Variants in SPAG6 observed in about 807,000 individuals in gnomAD.
The protein encoded by SPAG6 is sperm associated antigen 6, also known as sperm-associated antigen 6.
A neutral mutation model predicts 58.5 loss-of-function variants in SPAG6; 49 were observed. The ratio of observed to expected loss-of-function variants is 0.84; its 90% CI spans 0.67 to 1.06. The LOEUF (loss-of-function observed/expected upper bound fraction) is 1.06, where lower values mean the gene tolerates loss of function less well. SPAG6 is among the 50% of genes least tolerant of loss of function. SPAG6 has a pLI of 0.00. For missense variants in SPAG6, 560 were observed against 611.3 expected, an observed-to-expected ratio of 0.92 and a Z score of 0.89; for synonymous variants, 233 against 225.6, an observed-to-expected ratio of 1.03 and a Z score of -0.29.
chr10:22,412,440 C>T, intron 10 of SPAG6: 1 of 1,502,036 alleles, frequency 6.7e-7, no homozygotes, highest in Admixed American at 2.0e-5. Flanking sequence ...CATATTTTTA[C>T]CCAGTAAATT....
chr10:22,396,458 C>T (rs1018076688), intron 8 of SPAG6, among the ~76,000 whole-genome samples: 1 of 152,174 alleles, frequency 6.6e-6, no homozygotes, highest in African/African-American at 2.4e-5. Flanking sequence ...TCCAATTAAA[C>T]CTCTTTTTCT....
intron 10 of SPAG6, chr10:22,412,621 A>G (rs1834768560): frequency 3.3e-6 from 2 of 605,126 alleles, no homozygotes; most frequent in Non-Finnish European, 5.4e-6. Flanking sequence ...TCCAGGCTGG[A>G]GTGCAGTAGC....
chr10:22,402,820 A>C (rs1834446803), intron 9 of SPAG6, among the ~76,000 whole-genome samples: 1 of 152,200 alleles, frequency 6.6e-6, no homozygotes, highest in Non-Finnish European at 1.5e-5. Flanking sequence ...TGACCAGCTA[A>C]TTTGGTCCTC....
intron 8 of SPAG6, among the ~76,000 whole-genome samples, chr10:22,396,422 C>G (rs1440111845): frequency 6.6e-6 from 1 of 152,102 alleles, no homozygotes; most frequent in African/African-American, 2.4e-5. Context: ...GATTCTGAGG[C>G]CTCCCCAGCC....
At chr10:22,378,012 G>A (rs1159652871) in intron 4 of SPAG6, among the ~76,000 whole-genome samples, 3 of 139,216 alleles carry the variant, frequency 2.2e-5, no homozygotes, top group Non-Finnish European at 3.2e-5. Flanking sequence ...AAATTGTTAT[G>A]TATTTACGGG....
chr10:22,411,287 G>T (rs1355146624), intron 10 of SPAG6, 111 bp downstream of exon 10: 1 of 814,590 alleles, frequency 1.2e-6, no homozygotes, highest in Non-Finnish European at 1.9e-6. Context: ...TACGATGTGA[G>T]GCCAATATGT....
At chr10:22,375,253 G>A (rs935720361) in intron 4 of SPAG6, among the ~76,000 whole-genome samples, 2 of 152,142 alleles carry the variant, frequency 1.3e-5, no homozygotes, top group Non-Finnish European at 2.9e-5. Flanking sequence ...TGAATTTCTA[G>A]AAATACATGA....
In SPAG6 at chr10:22,386,809, C is replaced by T. The variant is rs759305148; in HGVS notation, c.528C>T (p.Ile176=). Residue 176 remains isoleucine (I), a synonymous_variant, in exon 5 of 11, where the codon ATC becomes ATT. Coordinates refer to ENST00000376624, the MANE Select transcript of SPAG6 (RefSeq NM_012443.4). The part of the protein sequence containing the change: ...AGAVPLLVLC[I]QEPEIALKRI... Reference sequence around the variant, plus strand: ...CTGTTCCTCTTTTAGTACTCTGTATCCAGGAGCCAGAAATTGCTTTGAAAA... The same window carrying T: ...CTGTTCCTCTTTTAGTACTCTGTATTCAGGAGCCAGAAATTGCTTTGAAAA... 6.2e-7 allele frequency: 1 copy of T among 1,613,626 alleles called. No individual in the cohort carries two copies. Among genetic ancestry groups the T allele is most frequent in the Admixed American group, 1.7e-5 (1 of 59,964 alleles).
chr10:22,406,984 T>G (rs1222468552), intron 9 of SPAG6, among the ~76,000 whole-genome samples: 1 of 152,138 alleles, frequency 6.6e-6, no homozygotes, highest in Non-Finnish European at 1.5e-5. Flanking sequence ...GTTTTCCATT[T>G]GCTTGGTAGA....
intron 6 of SPAG6, 109 bp from the exon 7 acceptor site, chr10:22,389,051 T>G: frequency 1.2e-6 from 1 of 805,224 alleles, no homozygotes; most frequent in Non-Finnish European, 1.9e-6. Flanking sequence ...AAATGATAAT[T>G]CAATTTCACC....
At chr10:22,378,712 A>C (rs1180876074) in intron 4 of SPAG6, among the ~76,000 whole-genome samples, 2 of 152,124 alleles carry the variant, frequency 1.3e-5, no homozygotes, top group Non-Finnish European at 2.9e-5. Context: ...AAATTTCCTC[A>C]GCCTATTGTT....
rs1335400971 is a variant in SPAG6 at position 22,345,554 on chromosome 10, C to T, written c.-58C>T. The stretch of plus-strand genomic sequence containing the variant: ...GCCACGATCGCCCCCTTGGTGGACT[C>T]GCAGGCCGAGCGGCTTCCCCGCAGA... On this transcript the variant is annotated 5_prime_UTR_variant, in exon 1 of 11. Transcript: ENST00000376624. This position sits in a 1 kb window ranked among gnomAD's most constrained non-coding sequence, Gnocchi z 6.3. 1.4e-6 allele frequency: 2 copies of T among 1,451,898 alleles called. No individual in the cohort carries two copies. The highest frequency in any genetic ancestry group is 2.9e-5 in the African/African-American group (2 of 69,748). The allele number at this position is 1,451,898 out of a possible 1,614,324, so 89.9% of individuals were successfully genotyped here. A position where few individuals can be genotyped will look rare whatever the true frequency, so the allele number is the denominator to read the frequency against.
chr10:22,415,306 A>C (rs1834842311), intron 10 of SPAG6, among the ~76,000 whole-genome samples: 1 of 151,406 alleles, frequency 6.6e-6, no homozygotes, highest in Non-Finnish European at 1.5e-5. Flanking sequence ...TTAAATTAAA[A>C]GGTTAAAATT....
At chr10:22,385,115 C>T (rs896464160) in intron 4 of SPAG6, among the ~76,000 whole-genome samples, 1 of 151,942 alleles carries the variant, frequency 6.6e-6, no homozygotes, top group Non-Finnish European at 1.5e-5. Context: ...GAGTCGAATT[C>T]TTAAGCAGAA....
chr10:22,375,211 AT>A, intron 4 of SPAG6, among the ~76,000 whole-genome samples: 1 of 152,278 alleles, frequency 6.6e-6, no homozygotes, highest in African/African-American at 2.4e-5. Context: ...CCTTTTTGAT[AT>A]TGGGGGGAGG....
At chr10:22,411,419 C>CT (rs917145114) in intron 10 of SPAG6, 1 of 357,104 alleles carries the variant, frequency 2.8e-6, no homozygotes, top group African/African-American at 2.1e-5. Flanking sequence ...TTAACATGTG[C>CT]TTTACTAAAG....
intron 5 of SPAG6, among the ~76,000 whole-genome samples, chr10:22,387,167 G>A (rs1206710508): frequency 1.3e-5 from 2 of 152,138 alleles, no homozygotes; most frequent in Non-Finnish European, 2.9e-5. Flanking sequence ...CTATGTACAA[G>A]ATCAGAAGTA....
intron 4 of SPAG6, among the ~76,000 whole-genome samples, chr10:22,380,865 A>G (rs980356184): frequency 6.6e-6 from 1 of 152,150 alleles, no homozygotes; most frequent in Non-Finnish European, 1.5e-5. Context: ...ATTAAGTTCC[A>G]GAGGAGTTTT....
At chr10:22,386,568 T>C (rs564577155) in intron 4 of SPAG6, among the ~76,000 whole-genome samples, 186 bp from the exon 5 acceptor site, 1 of 152,296 alleles carries the variant, frequency 6.6e-6, no homozygotes, top group Admixed American at 6.5e-5. Flanking sequence ...TATTGACCTG[T>C]ATTCTTTTCA....
Sources: allele counts gnomAD v4.1 joint callset (sites outside exome capture counted in the v4.1 genomes callset), GRCh38; gene constraint gnomAD v4.1.1; non-coding constraint Gnocchi (gnomAD v3.1); transcripts MANE v1.5; gene names NCBI Gene and HGNC (gene_info 2026-07-23, HGNC 2026-07-21).